AFF3: variants seen among roughly 807,000 people sequenced by gnomAD.
AFF3 encodes the protein AF4/FMR2 family member 3.
Under a neutral mutation model 129.7 loss-of-function variants are expected in AFF3, and 32 were observed. The observed-to-expected ratio is 0.25, with a 90% CI of 0.19 to 0.33. The LOEUF is 0.33. Ranked by LOEUF, AFF3 falls within the 10% of genes least tolerant of loss-of-function variation. The pLI is 1.00. For synonymous variants in AFF3, 644 were observed against 635.4 expected (o/e 1.01, Z -0.20); for missense variants, 1,373 against 1,592.0 (o/e 0.86, Z 2.34).
At chr2:99,653,871 C>CTTTTTT (rs869139940) in intron 12 of AFF3, among the ~76,000 whole-genome samples, 4 of 98,860 alleles carry the variant, frequency 4.0e-5, no homozygotes, top group African/African-American at 1.7e-4. Context: ...GCCTGCACTG[C>CTTTTTT]TTTTTTTCTT....
intron 7 of AFF3, among the ~76,000 whole-genome samples, chr2:99,911,825 T>C (rs1695130436): frequency 6.6e-6 from 1 of 152,120 alleles, no homozygotes; most frequent in South Asian, 2.1e-4. Flanking sequence ...TATGCCATAA[T>C]GTGAAGTTTC....
chr2:99,811,412 GTTTT>G (rs1005565658), intron 8 of AFF3, among the ~76,000 whole-genome samples: 1 of 151,804 alleles, frequency 6.6e-6, no homozygotes, highest in African/African-American at 2.4e-5. Context: ...AGGCACAGAG[GTTTT>G]TTGGTTTTTT....
In AFF3 at chr2:99,976,890, G is replaced by C. The variant is rs546037098; in HGVS notation, c.873+29742C>G. Among the ~76,000 whole-genome samples, 8 of 151,100 alleles carry C rather than the reference G, an allele frequency of 5.3e-5. No homozygotes were observed. The East Asian group carries it at 1.6e-3, about 30-fold the overall frequency. ...CTTCTGAATTCAAGTGACTAGAACT[G>C]AAATTATTCCACCTGGGGAGAAGAG... On this transcript the variant is annotated intron_variant, in intron 7 of 24. Transcript: ENST00000672756.
At chr2:99,672,481 C>G in intron 12 of AFF3, 57 bp downstream of exon 12, 1 of 1,548,294 alleles carries the variant, frequency 6.5e-7, no homozygotes, top group South Asian at 1.1e-5. Flanking sequence ...CACAGTCCAC[C>G]AGGTAACTGT....
At chr2:99,601,367 G>A in intron 14 of AFF3, 68 bp downstream of exon 14, 5 of 1,453,936 alleles carry the variant, frequency 3.4e-6, no homozygotes, top group Non-Finnish European at 4.6e-6. Flanking sequence ...CAGTGACAAT[G>A]CCCGGACTTG....
intron 12 of AFF3, among the ~76,000 whole-genome samples, chr2:99,666,076 T>G (rs1367481875): frequency 6.6e-6 from 1 of 152,104 alleles, no homozygotes; most frequent in Non-Finnish European, 1.5e-5. Flanking sequence ...CAGTGTCCTC[T>G]CACAACAGGA....
At chr2:99,803,023 C>T (rs978954115) in intron 8 of AFF3, among the ~76,000 whole-genome samples, 2 of 152,042 alleles carry the variant, frequency 1.3e-5, no homozygotes, top group African/African-American at 4.8e-5. Context: ...AGTGGGTATC[C>T]TTGTCTTATT....
At chr2:99,908,155 G>C (rs949646816) in intron 7 of AFF3, among the ~76,000 whole-genome samples, 1 of 152,110 alleles carries the variant, frequency 6.6e-6, no homozygotes, top group Non-Finnish European at 1.5e-5. Flanking sequence ...ACTGAACATA[G>C]TTTTCAACTT....
chr2:99,876,745 A>G (rs1433699708), intron 7 of AFF3, among the ~76,000 whole-genome samples: 1 of 152,134 alleles, frequency 6.6e-6, no homozygotes, highest in African/African-American at 2.4e-5. Context: ...TCATGCCAAA[A>G]TACTTTCTCT....
chr2:99,659,318 C>G (rs1341201216), intron 12 of AFF3, among the ~76,000 whole-genome samples: 1 of 152,200 alleles, frequency 6.6e-6, no homozygotes, highest in Non-Finnish European at 1.5e-5. Flanking sequence ...ATGTGCCTGT[C>G]TAGCTACAAT....
At chr2:99,735,368 T>C (rs1314732137) in intron 10 of AFF3, among the ~76,000 whole-genome samples, 1 of 152,160 alleles carries the variant, frequency 6.6e-6, no homozygotes, top group Non-Finnish European at 1.5e-5. Flanking sequence ...TCTGCTATTT[T>C]ATTAATTTCT....
intron 7 of AFF3, among the ~76,000 whole-genome samples, chr2:99,958,854 T>G (rs1252589365): frequency 6.6e-6 from 1 of 152,044 alleles, no homozygotes; most frequent in Admixed American, 6.6e-5. Context: ...GGTTCATACC[T>G]GTAATCTCAG....
chr2:99,878,111 T>C (rs762368026), intron 7 of AFF3, among the ~76,000 whole-genome samples: 8 of 152,090 alleles, frequency 5.3e-5, no homozygotes, highest in Non-Finnish European at 1.0e-4. Context: ...AGACATCCAA[T>C]AAAATGCAAA....
At chr2:100,106,101 G>A (rs1691276924) in intron 2 of AFF3, 4 of 1,281,550 alleles carry the variant, frequency 3.1e-6, no homozygotes, top group Non-Finnish European at 4.1e-6. Context: ...AGGCCAATGA[G>A]ACTTCTTTCC....
At chr2:99,894,609 C>T (rs1189715373) in intron 7 of AFF3, among the ~76,000 whole-genome samples, 1 of 151,812 alleles carries the variant, frequency 6.6e-6, no homozygotes, top group East Asian at 1.9e-4. Flanking sequence ...GCTGGGACTA[C>T]AGGCGCCCGC....
chr2:99,745,119 C>A (rs1305113888), intron 9 of AFF3, among the ~76,000 whole-genome samples: 1 of 152,122 alleles, frequency 6.6e-6, no homozygotes. Flanking sequence ...TTGTATTTCC[C>A]TAATAACTAA....
At chr2:99,994,006 G>A (rs563507974) in intron 7 of AFF3, among the ~76,000 whole-genome samples, 9 of 151,152 alleles carry the variant, frequency 6.0e-5, no homozygotes, top group Middle Eastern at 3.4e-3. Flanking sequence ...GGGTTTCACC[G>A]TGTTGGCCAG....
At chr2:99,615,057 C>T (rs927701262) in intron 13 of AFF3, among the ~76,000 whole-genome samples, 2 of 152,166 alleles carry the variant, frequency 1.3e-5, no homozygotes, top group African/African-American at 4.8e-5. Context: ...CATCAGAGAA[C>T]AGTTTCTATA....
chr2:99,877,778 C>G (rs1006072917), intron 7 of AFF3, among the ~76,000 whole-genome samples: 3 of 152,164 alleles, frequency 2.0e-5, no homozygotes, highest in African/African-American at 7.2e-5. Flanking sequence ...TATCTAGACT[C>G]TAGGTGTTAA....
Sources: allele counts gnomAD v4.1 joint callset (sites outside exome capture counted in the v4.1 genomes callset), GRCh38; gene constraint gnomAD v4.1.1; transcripts MANE v1.5; gene names NCBI Gene and HGNC (gene_info 2026-07-23, HGNC 2026-07-21).